Variants in PCDHGB1 observed in about 807,000 individuals in gnomAD.
PCDHGB1 encodes protocadherin gamma subfamily B, 1.
PCDHGB1 carries 34 observed loss-of-function variants against 56.6 expected under a neutral mutation model. The observed-to-expected ratio is 0.60, with a 90% confidence interval of 0.46 to 0.80. The LOEUF (loss-of-function observed/expected upper bound fraction) is 0.80, where lower values mean the gene tolerates loss of function less well. PCDHGB1 is among the 30% of genes least tolerant of loss of function. The probability of loss-of-function intolerance (pLI) is 0.00; values close to 1 mark genes in which losing one functional copy is unlikely to be tolerated. For synonymous variants in PCDHGB1, 561 were observed against 505.9 expected (o/e 1.11, Z -1.46); for missense variants, 1,278 against 1,204.6 (o/e 1.06, Z -0.90).
At chr5:141,379,728 G>A (rs1775778672) in intron 1 of PCDHGB1, 1 of 152,020 alleles carries the variant, frequency 6.6e-6, no homozygotes, top group African/African-American at 2.4e-5. Flanking sequence ...AATTTGCTAA[G>A]TTATGGCTAA....
At chr5:141,413,855 C>G (rs2095686270) in intron 1 of PCDHGB1, 1 of 1,613,206 alleles carries the variant, frequency 6.2e-7, no homozygotes, top group African/African-American at 1.3e-5. Flanking sequence ...CCTCTCCGAT[C>G]TGGCACTGTC....
intron 1 of PCDHGB1, chr5:141,365,325 A>T (rs372623504): frequency 2.5e-6 from 4 of 1,613,990 alleles, no homozygotes; most frequent in Admixed American, 1.7e-5. Context: ...GCCAGCGCTA[A>T]GGTGGTGGTC....
At position 141,489,559 on chromosome 5, in the gene PCDHGB1, C is replaced by A; in HGVS notation, c.2410-5248C>A. ...CAGCACCAGCTGCCTGCTGCCAGTG[C>A]AGGTGGTGACTGAACACCCCCTGGA... On this transcript the variant is annotated intron_variant, in intron 1 of 3. Coordinates refer to ENST00000523390, the MANE Select transcript of PCDHGB1 (RefSeq NM_018922.3). This position sits in a 1 kb window ranked among gnomAD's most constrained non-coding sequence, Gnocchi z 4.5. The A allele has an allele frequency of 6.2e-7, 1 of 1,614,078 alleles. No homozygotes were observed. The highest frequency in any genetic ancestry group is 8.5e-7 in the Non-Finnish European group (1 of 1,180,014).
At chr5:141,377,906 C>G (rs777974750) in intron 1 of PCDHGB1, 1 of 152,162 alleles carries the variant, frequency 6.6e-6, no homozygotes, top group East Asian at 1.9e-4. Context: ...GTTGCCCAGT[C>G]TGGAGTAAAA....
At chr5:141,444,255 T>G (rs764607115) in intron 1 of PCDHGB1, among the ~76,000 whole-genome samples, 8 of 130,834 alleles carry the variant, frequency 6.1e-5, no homozygotes, top group Non-Finnish European at 1.2e-4. Context: ...CACTGCAACC[T>G]CCGCCTCCCA....
At chr5:141,415,982 T>G in intron 1 of PCDHGB1, 1 of 342,492 alleles carries the variant, frequency 2.9e-6, no homozygotes, top group Non-Finnish European at 4.9e-6. Flanking sequence ...AGCAACCCTC[T>G]TGTTCTGAAG....
At chr5:141,376,323 G>T in intron 1 of PCDHGB1, 1 of 1,614,162 alleles carries the variant, frequency 6.2e-7, no homozygotes, top group South Asian at 1.1e-5. Flanking sequence ...GAAGGGGTTC[G>T]GGCTTTCCTG....
At chr5:141,405,029 C>T in intron 1 of PCDHGB1, 1 of 1,613,976 alleles carries the variant, frequency 6.2e-7, no homozygotes, top group Non-Finnish European at 8.5e-7. Flanking sequence ...TACCCTCTAC[C>T]TCGTTGTGGC....
intron 1 of PCDHGB1, among the ~76,000 whole-genome samples, chr5:141,430,226 T>C (rs1331325242): frequency 6.9e-6 from 1 of 144,216 alleles, no homozygotes; most frequent in Admixed American, 7.0e-5. Context: ...ATATGATTTG[T>C]CAAAAAGAGA....
At chr5:141,478,683 C>G (rs1355955377) in intron 1 of PCDHGB1, 14 of 1,551,164 alleles carry the variant, frequency 9.0e-6, no homozygotes, top group African/African-American at 1.4e-5. Flanking sequence ...CTGGCCCTTC[C>G]TAGATCAAAG....
rs745612756 is a variant in PCDHGB1 at position 141,487,150 on chromosome 5, T to C, written c.2410-7657T>C. The C allele has an allele frequency of 1.1e-5, 17 of 1,613,960 alleles. No individual in the cohort carries two copies. In the South Asian group the frequency reaches 1.6e-4, roughly 16 times the overall value. On this transcript the variant is annotated intron_variant, in intron 1 of 3. Transcript: ENST00000523390. This position sits in a 1 kb window ranked among gnomAD's most constrained non-coding sequence, Gnocchi z 5.0. The stretch of plus-strand genomic sequence containing the variant: ...GTAGTCCACCACTCTCTACCTCTGT[T>C]ACTCTCTTAGTGTCCTTAGAGGAAG...
chr5:141,447,864 T>A (rs2098553913), intron 1 of PCDHGB1, among the ~76,000 whole-genome samples: 1 of 152,098 alleles, frequency 6.6e-6, no homozygotes, highest in Non-Finnish European at 1.5e-5. Context: ...GGTGGGTGAA[T>A]CATCTGAGGT....
chr5:141,409,443 A>C (rs1276603306), intron 1 of PCDHGB1: 1 of 1,614,014 alleles, frequency 6.2e-7, no homozygotes, highest in East Asian at 2.2e-5. Context: ...GACCGAGAGC[A>C]GACACCAGAA....
Position 141,490,809 on chromosome 5 carries a change from C to T in PCDHGB1, c.2410-3998C>T. On this transcript the variant is annotated intron_variant, in intron 1 of 3. Transcript: ENST00000523390. The surrounding 1 kb of genome is among the most constrained non-coding windows in gnomAD (Gnocchi z 5.4). Reference sequence around the variant, plus strand: ...GGATCTTTGCCCAGCGTACCTTTGACTATGAATTGCTGCAGATGCTGCAGA... The same window carrying T: ...GGATCTTTGCCCAGCGTACCTTTGATTATGAATTGCTGCAGATGCTGCAGA... 2 of 1,613,954 alleles carry T rather than the reference C, an allele frequency of 1.2e-6. No individual in the cohort carries two copies. Among genetic ancestry groups the T allele is most frequent in the South Asian group, 2.2e-5 (2 of 91,076 alleles).
At chr5:141,370,659 C>T (rs1394525404) in intron 1 of PCDHGB1, 1 of 1,613,780 alleles carries the variant, frequency 6.2e-7, no homozygotes, top group South Asian at 1.1e-5. Context: ...TGTGAGCGAC[C>T]GTATAGACCG....
At chr5:141,414,834 C>T in intron 1 of PCDHGB1, 1 of 1,614,252 alleles carries the variant, frequency 6.2e-7, no homozygotes, top group South Asian at 1.1e-5. Context: ...TGTCGTTGAG[C>T]CTGTTTGTGC....
chr5:141,409,990 C>T (rs377295503), intron 1 of PCDHGB1: 1 of 1,613,160 alleles, frequency 6.2e-7, no homozygotes, highest in Non-Finnish European at 8.5e-7. Flanking sequence ...CGGTGGACGC[C>T]GACTCGGGAC....
chr5:141,402,319 C>G lies in PCDHGB1; in HGVS notation c.2409+49650C>G, dbSNP rs181180510. On this transcript the variant is annotated intron_variant, in intron 1 of 3. Transcript: ENST00000523390. ...TGTATTAATACAATTATATATTTTA[C>G]ATTTACAAATATATAGGTATAAAAA... Among the ~76,000 whole-genome samples, 14 of 151,934 alleles carry G rather than the reference C, an allele frequency of 9.2e-5. No individual in the cohort carries two copies. In the East Asian group the frequency reaches 2.7e-3, roughly 29 times the overall value.
intron 1 of PCDHGB1, among the ~76,000 whole-genome samples, chr5:141,438,611 TATATATATATATATATATATATATAC>T (rs1451681129): frequency 0.1 from 4,016 of 39,372 alleles, 166 homozygotes; most frequent in Middle Eastern, 0.18. Context: ...TATATATATA[TATATATATATATATATATATATATAC>T]ACACACACAC....
Sources: gnomAD v4.1 joint callset for allele counts (sites outside exome capture counted in the v4.1 genomes callset) on GRCh38, gnomAD v4.1.1 for gene constraint, Gnocchi (gnomAD v3.1) non-coding constraint, MANE v1.5 for transcripts, NCBI Gene and HGNC (gene_info 2026-07-23, HGNC 2026-07-21) for gene names.